BANP: variants seen among roughly 807,000 people sequenced by gnomAD.
BANP encodes the protein protein BANP.
A neutral mutation model predicts 68.1 loss-of-function variants in BANP; 11 were observed. The ratio of observed to expected loss-of-function variants is 0.16; its 90% CI spans 0.10 to 0.27. The LOEUF is 0.27. Ranked by LOEUF, BANP falls within the 10% of genes least tolerant of loss-of-function variation. The probability of loss-of-function intolerance (pLI) is 1.00; values close to 1 mark genes in which losing one functional copy is unlikely to be tolerated. For synonymous variants in BANP, 329 were observed against 303.2 expected (o/e 1.09, Z -0.88); for missense variants, 504 against 722.7 (o/e 0.70, Z 3.47).
chr16:88,015,147 A>G (rs1470287495), intron 6 of BANP, among the ~76,000 whole-genome samples: 1 of 101,756 alleles, frequency 9.8e-6, no homozygotes, highest in Non-Finnish European at 1.9e-5. Context: ...GTGCTCCCTT[A>G]GCTCGTGCCC....
intron 5 of BANP, among the ~76,000 whole-genome samples, chr16:88,005,431 A>G (rs1299021138): frequency 4.6e-5 from 7 of 152,180 alleles, no homozygotes; most frequent in Admixed American, 3.3e-4. Flanking sequence ...AGTCCACGGT[A>G]GAGGATGTTG....
At chr16:88,032,922 A>T (rs1388449558) in intron 8 of BANP, among the ~76,000 whole-genome samples, 187 bp from the exon 9 acceptor site, 2 of 152,238 alleles carry the variant, frequency 1.3e-5, no homozygotes, top group African/African-American at 4.8e-5. Context: ...CGGAAGCCTC[A>T]GTTCCTAAGA....
At chr16:88,006,646 A>G (rs2071237838) in intron 6 of BANP, among the ~76,000 whole-genome samples, 1 of 148,092 alleles carries the variant, frequency 6.8e-6, no homozygotes, top group Admixed American at 6.8e-5. Context: ...TCCATCTCAA[A>G]AAAAAAAAAA....
In BANP at chr16:88,027,792, G is replaced by T. The variant is rs956323213; in HGVS notation, c.1063+142G>T. Reference sequence around the variant, plus strand: ...GCCAGAGGCTTGCGCGGTGCGCACGGAGCAGTGGAGCCGCAGGACCTGTGC... The same window carrying T: ...GCCAGAGGCTTGCGCGGTGCGCACGTAGCAGTGGAGCCGCAGGACCTGTGC... On this transcript the variant is annotated intron_variant, in intron 8 of 13. Transcript: ENST00000682872. The T allele has an allele frequency of 9.0e-6, 9 of 995,726 alleles. No homozygotes were observed. In the Admixed American group the frequency reaches 2.0e-4, roughly 22 times the overall value. 61.7% of individuals were successfully genotyped at this position (995,726 alleles called of 1,614,324 possible).
chr16:87,986,159 G>A (rs1468303174), intron 4 of BANP, among the ~76,000 whole-genome samples: 1 of 152,150 alleles, frequency 6.6e-6, no homozygotes, highest in African/African-American at 2.4e-5. Flanking sequence ...GCACCCCTGG[G>A]CACCTGCATT....
chr16:87,966,414 T>C (rs1378883491), intron 1 of BANP, among the ~76,000 whole-genome samples: 2 of 152,238 alleles, frequency 1.3e-5, no homozygotes, highest in South Asian at 2.1e-4. Flanking sequence ...TTCTGAGAAA[T>C]GGCAAATTTA....
chr16:88,048,683 C>T (rs1352880802), intron 11 of BANP, among the ~76,000 whole-genome samples: 2 of 151,544 alleles, frequency 1.3e-5, no homozygotes, highest in Admixed American at 1.3e-4. Flanking sequence ...AATCGGCGCT[C>T]ACAACAGATT....
chr16:88,028,303 C>T (rs973270698), intron 8 of BANP, among the ~76,000 whole-genome samples: 9 of 152,318 alleles, frequency 5.9e-5, no homozygotes, highest in Middle Eastern at 3.4e-3. Context: ...GGTCAGGATG[C>T]GAGGGCAGCC....
At chr16:88,046,419 G>C (rs958613331) in intron 11 of BANP, among the ~76,000 whole-genome samples, 14 of 152,222 alleles carry the variant, frequency 9.2e-5, no homozygotes, top group African/African-American at 3.1e-4. Flanking sequence ...GAATTAAACG[G>C]TTTGGTAAAG....
At chr16:87,998,656 A>C (rs2068012445) in intron 4 of BANP, among the ~76,000 whole-genome samples, 1 of 136,142 alleles carries the variant, frequency 7.3e-6, no homozygotes. Context: ...AGACACCCAG[A>C]CACATCTCCA....
chr16:87,998,855 T>G (rs1301794859), intron 4 of BANP, among the ~76,000 whole-genome samples: 5 of 125,364 alleles, frequency 4.0e-5, no homozygotes, highest in East Asian at 5.1e-4. Context: ...TACTTACCTG[T>G]CCTTCCAGAC....
rs74925257 is a variant in BANP at position 88,060,039 on chromosome 16, C to G, written c.1312-5228C>G. The stretch of plus-strand genomic sequence containing the variant: ...CGCAGCTGTCTGTCTCTGGGCCTTC[C>G]TCTGAAGATGGCAGGTGCTCTGACT... On this transcript the variant is annotated intron_variant, in intron 11 of 13. Coordinates refer to ENST00000682872, the MANE Select transcript of BANP (RefSeq NM_001386991.1). Among the ~76,000 whole-genome samples, 974 of 152,374 alleles carry G rather than the reference C, an allele frequency of 6.4e-3. 8 individuals are homozygous for G. Among genetic ancestry groups the G allele is most frequent in the Non-Finnish European group, 0.011 (764 of 68,044 alleles).
intron 2 of BANP, among the ~76,000 whole-genome samples, chr16:87,975,525 C>T (rs925218963): frequency 6.6e-6 from 1 of 152,016 alleles, no homozygotes; most frequent in Non-Finnish European, 1.5e-5. Flanking sequence ...ATGTGTAATC[C>T]CCTGTGTGCG....
Position 88,004,400 on chromosome 16 carries a change from T to A in BANP, c.468T>A (p.Asn156Lys). The A allele has an allele frequency of 6.5e-7, 1 of 1,528,704 alleles. No homozygotes were observed. Among genetic ancestry groups the A allele is most frequent in the Non-Finnish European group, 8.9e-7 (1 of 1,128,894 alleles). 94.7% of individuals were successfully genotyped at this position (1,528,704 alleles called of 1,614,324 possible). A position where few individuals can be genotyped will look rare whatever the true frequency, so the allele number is the denominator to read the frequency against. The change falls in exon 5 of 14, where the codon AAT becomes AAA. Residue 156 changes from asparagine to lysine, a missense_variant. Physicochemically the swap from Asn to Lys is moderately conservative, Grantham distance 94 (BLOSUM62 0). Transcript: ENST00000682872. This position sits in a 1 kb window ranked among gnomAD's most constrained non-coding sequence, Gnocchi z 7.0. ...ACAGGGCACCGGATTCCCTGGAAAA[T>A]GTCATTAGCAAGTCAGTAGCACGGC... is the stretch of plus-strand genomic sequence containing the variant. ...LSNRAPDSLE[N>K]VISNAVPGRR...
intron 6 of BANP, among the ~76,000 whole-genome samples, chr16:88,015,706 G>A (rs1247463457): frequency 5.9e-5 from 9 of 152,262 alleles, no homozygotes; most frequent in Non-Finnish European, 1.0e-4. Context: ...GAGCGGGGCC[G>A]AGGTCTCGCG....
chr16:88,027,390 G>A (rs1477874686), intron 7 of BANP, 93 bp from the exon 8 acceptor site: 55 of 1,430,940 alleles, frequency 3.8e-5, no homozygotes, highest in African/African-American at 3.5e-4. Context: ...CCTGGGTGAG[G>A]CCTCTTCAGC....
intron 6 of BANP, among the ~76,000 whole-genome samples, chr16:88,011,593 T>C (rs1449641071): frequency 6.6e-6 from 1 of 152,226 alleles, no homozygotes; most frequent in Non-Finnish European, 1.5e-5. Context: ...AAAAGCATTC[T>C]GAAAGAAAAT....
chr16:87,993,587 A>C (rs1414287864), intron 4 of BANP, among the ~76,000 whole-genome samples: 1 of 148,288 alleles, frequency 6.7e-6, no homozygotes, highest in African/African-American at 2.5e-5. Context: ...TTTCATCATT[A>C]GTGGTTTTTT....
intron 11 of BANP, among the ~76,000 whole-genome samples, chr16:88,042,783 G>C (rs571109898): frequency 3.9e-5 from 6 of 152,050 alleles, no homozygotes; most frequent in African/African-American, 1.2e-4. Flanking sequence ...ACGTCTGGTG[G>C]TATGTGCCTG....
Sources: gnomAD v4.1 joint callset for allele counts (sites outside exome capture counted in the v4.1 genomes callset) on GRCh38, gnomAD v4.1.1 for gene constraint, Gnocchi (gnomAD v3.1) non-coding constraint, MANE v1.5 for transcripts, NCBI Gene and HGNC (gene_info 2026-07-23, HGNC 2026-07-21) for gene names.